The following NUBPL variants were observed in gnomAD, a reference collection of about 807,000 sequenced individuals.
NUBPL encodes NUBP iron-sulfur cluster assembly factor, mitochondrial, also known as iron-sulfur cluster transfer protein NUBPL.
NUBPL carries 31 observed loss-of-function variants against 45.7 expected under a neutral mutation model. The observed-to-expected ratio is 0.68, with a 90% CI of 0.51 to 0.92. The LOEUF (loss-of-function observed/expected upper bound fraction) is 0.92, where lower values mean the gene tolerates loss of function less well. Ranked by LOEUF, NUBPL falls within the 40% of genes least tolerant of loss-of-function variation. The pLI is 0.00. For missense variants in NUBPL, 401 were observed against 398.7 expected (o/e 1.01, Z -0.05); for synonymous variants, 144 against 140.9 (o/e 1.02, Z -0.15).
At chr14:31,759,044 A>G (rs903278115) in intron 6 of NUBPL, among the ~76,000 whole-genome samples, 1 of 151,902 alleles carries the variant, frequency 6.6e-6, no homozygotes, top group Non-Finnish European at 1.5e-5. Context: ...TACCCTTTCC[A>G]CCAGAAACAT....
rs527412845 is a variant in NUBPL at position 31,690,214 on chromosome 14, G to T, written c.513+16640G>T. On this transcript the variant is annotated intron_variant, in intron 6 of 10. Transcript: ENST00000281081. ...CCAGTGCAGTTAGGTTTATGATCAG[G>T]GCTGCCCTTATCTATAAAGCTGCTA... Among the ~76,000 whole-genome samples the T allele has an allele frequency of 2.6e-5, 4 of 152,192 alleles. No individual in the cohort carries two copies. The South Asian group carries it at 8.3e-4, about 32-fold the overall frequency.
chr14:31,778,782 A>G (rs1341216350), intron 6 of NUBPL, among the ~76,000 whole-genome samples: 1 of 152,214 alleles, frequency 6.6e-6, no homozygotes, highest in Non-Finnish European at 1.5e-5. Flanking sequence ...ACCACTCAGC[A>G]ATGGGAAGTG....
intron 9 of NUBPL, 40 bp downstream of exon 9, chr14:31,846,631 A>G (rs758981332): frequency 1.2e-6 from 2 of 1,610,124 alleles, no homozygotes; most frequent in Non-Finnish European, 1.7e-6. Context: ...GAAGTGGCAG[A>G]AGAGAAAGTG....
At position 31,787,981 on chromosome 14, in the gene NUBPL, A is replaced by C. The variant is rs532829333; in HGVS notation, c.607+108A>C. On this transcript the variant is annotated intron_variant, in intron 7 of 10. Coordinates refer to ENST00000281081, the MANE Select transcript of NUBPL (RefSeq NM_025152.3). ...CAAATATTTTGCCTTAAAAATATTCATTCACTTATAAATTTTTCATTAGAG... is the reference window on the plus strand; with the variant it reads ...CAAATATTTTGCCTTAAAAATATTCCTTCACTTATAAATTTTTCATTAGAG... 8 of 709,062 alleles carry C rather than the reference A, an allele frequency of 1.1e-5. No individual in the cohort carries two copies. The Admixed American group carries it at 1.3e-4, about 12-fold the overall frequency. 43.9% of individuals were successfully genotyped at this position (709,062 alleles called of 1,614,324 possible).
intron 6 of NUBPL, among the ~76,000 whole-genome samples, chr14:31,741,043 C>T (rs1267119038): frequency 2.6e-5 from 4 of 152,116 alleles, no homozygotes; most frequent in African/African-American, 7.2e-5. Context: ...GAGCCCTTAG[C>T]ATATTAATCA....
At chr14:31,811,960 C>T (rs2039814252) in intron 7 of NUBPL, among the ~76,000 whole-genome samples, 1 of 152,218 alleles carries the variant, frequency 6.6e-6, no homozygotes, top group Non-Finnish European at 1.5e-5. Context: ...GGCTGCAGAA[C>T]AGCAAATATT....
At chr14:31,707,314 C>A (rs1000147333) in intron 6 of NUBPL, among the ~76,000 whole-genome samples, 1 of 152,244 alleles carries the variant, frequency 6.6e-6, no homozygotes, top group African/African-American at 2.4e-5. Context: ...GGAAGACCTT[C>A]AATTATCAAT....
chr14:31,738,610 G>C (rs1287370736), intron 6 of NUBPL, among the ~76,000 whole-genome samples: 1 of 152,158 alleles, frequency 6.6e-6, no homozygotes, highest in Admixed American at 6.5e-5. Context: ...TGCTCAAGGA[G>C]AGGAATTAAC....
intron 6 of NUBPL, among the ~76,000 whole-genome samples, chr14:31,763,801 C>T (rs1328194296): frequency 1.3e-5 from 2 of 152,024 alleles, no homozygotes; most frequent in Non-Finnish European, 2.9e-5. Context: ...GTGCATTCGT[C>T]TTGTCAAAAA....
chr14:31,638,700 A>G (rs1461627462), intron 4 of NUBPL, among the ~76,000 whole-genome samples: 1 of 152,080 alleles, frequency 6.6e-6, no homozygotes, highest in African/African-American at 2.4e-5. Context: ...ACTTGGTTCC[A>G]TTCTCCCTGT....
intron 4 of NUBPL, among the ~76,000 whole-genome samples, chr14:31,614,049 C>G (rs2034833588): frequency 6.6e-6 from 1 of 151,664 alleles, no homozygotes; most frequent in Non-Finnish European, 1.5e-5. Flanking sequence ...TATCAAAGTC[C>G]AGAACTGAAA....
At chr14:31,828,374 T>G (rs1312828335) in intron 8 of NUBPL, among the ~76,000 whole-genome samples, 1 of 152,230 alleles carries the variant, frequency 6.6e-6, no homozygotes, top group Non-Finnish European at 1.5e-5. Context: ...TGACATTGAC[T>G]TAAGTAATCT....
At chr14:31,712,595 G>A (rs543074608) in intron 6 of NUBPL, among the ~76,000 whole-genome samples, 13 of 152,348 alleles carry the variant, frequency 8.5e-5, no homozygotes, top group African/African-American at 9.6e-5. Flanking sequence ...GCACAGTGGC[G>A]GGCTGAAGCG....
chr14:31,635,501 T>C (rs936041228), intron 4 of NUBPL, among the ~76,000 whole-genome samples: 2 of 152,026 alleles, frequency 1.3e-5, no homozygotes, highest in Non-Finnish European at 2.9e-5. Flanking sequence ...AGCCTTGTAG[T>C]ATAGTTTGAA....
chr14:31,621,318 G>A (rs530972222), intron 4 of NUBPL, among the ~76,000 whole-genome samples: 23 of 152,156 alleles, frequency 1.5e-4, no homozygotes, highest in African/African-American at 5.3e-4. Context: ...CGTTCCAGGT[G>A]CCACTGAGGT....
chr14:31,789,679 T>C (rs1267537631), intron 7 of NUBPL, among the ~76,000 whole-genome samples: 2 of 152,154 alleles, frequency 1.3e-5, no homozygotes, highest in East Asian at 1.9e-4. Context: ...AACAATATCA[T>C]TGATATTTAA....
intron 9 of NUBPL, among the ~76,000 whole-genome samples, chr14:31,847,217 G>A (rs2040467564): frequency 1.3e-5 from 2 of 152,124 alleles, no homozygotes; most frequent in African/African-American, 4.8e-5. Context: ...GCTAAGTTGG[G>A]TGTACATCTC....
chr14:31,601,320 A>G (rs1266660951), intron 4 of NUBPL, among the ~76,000 whole-genome samples: 1 of 152,180 alleles, frequency 6.6e-6, no homozygotes, highest in Non-Finnish European at 1.5e-5. Context: ...TGGGGATGGC[A>G]TTGAATCTAT....
chr14:31,822,319 A>G lies in NUBPL; in HGVS notation c.608-4310A>G, dbSNP rs190947850. On this transcript the variant is annotated intron_variant, in intron 7 of 10. Coordinates refer to ENST00000281081, the MANE Select transcript of NUBPL (RefSeq NM_025152.3). ...GACCCCTTAAATATATATAACTACT[A>G]TGTACTCACAAAAATTAAAATAAAA... Among the ~76,000 whole-genome samples, 237 of 152,214 alleles carry G rather than the reference A, an allele frequency of 1.6e-3. 1 individual carries two copies. Among genetic ancestry groups the G allele is most frequent in the African/African-American group, 5.4e-3 (225 of 41,540 alleles).
Sources: gnomAD v4.1 joint callset for allele counts (sites outside exome capture counted in the v4.1 genomes callset) on GRCh38, gnomAD v4.1.1 for gene constraint, MANE v1.5 for transcripts, NCBI Gene and HGNC (gene_info 2026-07-23, HGNC 2026-07-21) for gene names.